The following SPATA13 variants were observed in gnomAD, a reference collection of about 807,000 sequenced individuals.
The protein encoded by SPATA13 is spermatogenesis associated 13.
SPATA13 carries 50 observed loss-of-function variants against 104.0 expected under a neutral mutation model. The observed-to-expected ratio is 0.48, with a 90% CI of 0.38 to 0.61. The LOEUF (loss-of-function observed/expected upper bound fraction) is 0.61, where lower values mean the gene tolerates loss of function less well. SPATA13 is among the 20% of genes least tolerant of loss of function. The pLI is 0.00. For missense variants in SPATA13, 1,524 were observed against 1,690.6 expected (o/e 0.90, Z 1.73); for synonymous variants, 606 against 667.5 (o/e 0.91, Z 1.42).
rs1465333292 is a variant in SPATA13, at chr13:24,222,877, C to CT, written c.-52dup. Reference sequence around the variant, plus strand: ...AGGTGTGAGTGCCAGGACGGCATTCCTGGAGATGAAGGCCTGGAGCTGCGG... The same window carrying CT: ...AGGTGTGAGTGCCAGGACGGCATTCCTTGGAGATGAAGGCCTGGAGCTGCGG... On this transcript the variant is annotated 5_prime_UTR_variant, in exon 2 of 13. Coordinates refer to ENST00000382108, the MANE Select transcript of SPATA13 (RefSeq NM_001166271.3). 1.6e-5 allele frequency: 24 copies of CT among 1,545,690 alleles called. No homozygotes were observed. Among genetic ancestry groups the CT allele is most frequent in the Admixed American group, 2.0e-5 (1 of 50,732 alleles).
In SPATA13 at chr13:24,190,287, A is replaced by G. The variant is rs1445754286; in HGVS notation, c.-112+29355A>G. ...TAATATATATTATTATATATAATAT[A>G]TAATATTATATATTATTATATATAA... On this transcript the variant is annotated intron_variant, in intron 1 of 12. Transcript: ENST00000382108. Among the ~76,000 whole-genome samples, 17 of 10,484 alleles carry G rather than the reference A, an allele frequency of 1.6e-3. 1 individual carries two copies. Among genetic ancestry groups the G allele is most frequent in the African/African-American group, 1.8e-3 (17 of 9,268 alleles). The allele number at this position is 10,484 out of a possible 152,430, so 6.9% of individuals were successfully genotyped here. A position where few individuals can be genotyped will look rare whatever the true frequency, so the allele number is the denominator to read the frequency against.
chr13:24,120,440 A>G (rs1179419461), intron 3 of SPATA13, among the ~76,000 whole-genome samples: 2 of 152,330 alleles, frequency 1.3e-5, no homozygotes, highest in East Asian at 3.9e-4. Context: ...GCGCAGCAGC[A>G]GTAGGAGTTA....
intron 3 of SPATA13, among the ~76,000 whole-genome samples, chr13:24,064,989 C>CAAGGAG (rs1878898920): frequency 2.8e-5 from 1 of 35,348 alleles, no homozygotes; most frequent in Non-Finnish European, 1.1e-4. Context: ...TGTCACAGGC[C>CAAGGAG]ACAGGAGCCA....
rs115333986 is a variant in SPATA13, at chr13:24,081,906, C to G, written c.-112+64205C>G. ...TGGAATAAGTTACCTGGGCCCTGTTCCCTGGTGCTGGTGCTCTCTGGGAGT... is the reference window on the plus strand; with the variant it reads ...TGGAATAAGTTACCTGGGCCCTGTTGCCTGGTGCTGGTGCTCTCTGGGAGT... On this transcript the variant is annotated intron_variant, in intron 3 of 14. Coordinates refer to the SPATA13 transcript ENST00000424834. 4.0e-3 allele frequency among the ~76,000 whole-genome samples: 607 copies of G among 152,292 alleles called. 2 individuals are homozygous for G. The highest frequency in any genetic ancestry group is 0.014 in the African/African-American group (578 of 41,562).
At position 24,278,570 on chromosome 13, in the gene SPATA13, G is replaced by A. The variant is rs187898236; in HGVS notation, c.2165-5565G>A. On this transcript the variant is annotated intron_variant, in intron 4 of 12. Coordinates refer to ENST00000382108, the MANE Select transcript of SPATA13 (RefSeq NM_001166271.3). ...TGGGATTACAAGCATGAGCTACCAC[G>A]CCCAGCCACATCTTGCAATTCTATA... is the stretch of plus-strand genomic sequence containing the variant. The A allele has an allele frequency of 5.4e-4, 708 of 1,318,656 alleles. 1 individual carries two copies. The African/African-American group carries it at 9.4e-3, about 17-fold the overall frequency. The allele number at this position is 1,318,656 out of a possible 1,614,324, so 81.7% of individuals were successfully genotyped here.
chr13:24,055,328 C>T (rs539982442), intron 3 of SPATA13, among the ~76,000 whole-genome samples: 1 of 152,280 alleles, frequency 6.6e-6, no homozygotes, highest in Admixed American at 6.5e-5. Flanking sequence ...CGTGTAAGAT[C>T]CCAGATGCAA....
At chr13:24,016,283 C>A (rs1358091124) in intron 2 of SPATA13, among the ~76,000 whole-genome samples, 1 of 152,160 alleles carries the variant, frequency 6.6e-6, no homozygotes, top group Non-Finnish European at 1.5e-5. Flanking sequence ...GGCCCTGGGC[C>A]CTCCAGGAAG....
chr13:24,100,678 A>C (rs570454795), intron 3 of SPATA13, among the ~76,000 whole-genome samples: 10 of 152,344 alleles, frequency 6.6e-5, no homozygotes, highest in Admixed American at 5.9e-4. Context: ...AGTTGGGGCT[A>C]GAATTTTGAT....
intron 3 of SPATA13, among the ~76,000 whole-genome samples, chr13:24,140,573 C>T (rs1377753425): frequency 6.6e-6 from 1 of 152,212 alleles, no homozygotes; most frequent in Non-Finnish European, 1.5e-5. Flanking sequence ...GTCAAACGTT[C>T]CTCTTCAAAG....
At chr13:24,044,966 T>C (rs1481831480) in intron 3 of SPATA13, among the ~76,000 whole-genome samples, 1 of 152,224 alleles carries the variant, frequency 6.6e-6, no homozygotes, top group Admixed American at 6.5e-5. Context: ...GAGAAATAAG[T>C]TGTGAGCCTT....
Position 24,258,404 on chromosome 13 carries a change from T to C in SPATA13, c.2164+6542T>C, listed in dbSNP as rs1055478317. 2.0e-5 allele frequency among the ~76,000 whole-genome samples: 3 copies of C among 147,294 alleles called. No individual in the cohort carries two copies. In the East Asian group the frequency reaches 5.9e-4, roughly 29 times the overall value. On this transcript the variant is annotated intron_variant, in intron 4 of 12. Coordinates refer to ENST00000382108, the MANE Select transcript of SPATA13 (RefSeq NM_001166271.3). Reference sequence around the variant, plus strand: ...AAAAAAGGCCAGGCACGGTGGCTCATGTCTGTAATCCCAGCACTTTGGGAG... The same window carrying C: ...AAAAAAGGCCAGGCACGGTGGCTCACGTCTGTAATCCCAGCACTTTGGGAG...
At chr13:24,106,268 A>G (rs1489344941) in intron 3 of SPATA13, among the ~76,000 whole-genome samples, 1 of 152,170 alleles carries the variant, frequency 6.6e-6, no homozygotes, top group Non-Finnish European at 1.5e-5. Context: ...TCCTGGCCTC[A>G]GTGATCTTTC....
intron 4 of SPATA13, among the ~76,000 whole-genome samples, chr13:24,275,233 G>T (rs753328293): frequency 2.6e-5 from 4 of 152,210 alleles, no homozygotes; most frequent in Non-Finnish European, 4.4e-5. Context: ...AAAGCAGAGA[G>T]GGGGAGGAAA....
chr13:24,060,464 C>A (rs888747326), intron 3 of SPATA13, among the ~76,000 whole-genome samples: 2 of 152,118 alleles, frequency 1.3e-5, no homozygotes, highest in African/African-American at 4.8e-5. Context: ...ATGTAAAACC[C>A]AAAGCTATCT....
At chr13:23,981,271 GA>G (rs3078774) in intron 1 of SPATA13, among the ~76,000 whole-genome samples, 23,557 of 149,128 alleles carry the variant, frequency 0.16, 2,435 homozygotes, top group East Asian at 0.32. Flanking sequence ...TATACCATAG[GA>G]AAAAAAAAAT....
intron 4 of SPATA13, among the ~76,000 whole-genome samples, chr13:24,257,501 C>T (rs1873848844): frequency 6.6e-6 from 1 of 152,112 alleles, no homozygotes; most frequent in South Asian, 2.1e-4. Context: ...GATATAAAAA[C>T]TAGAGAAAAT....
intron 4 of SPATA13, chr13:24,270,771 C>T: frequency 1.2e-6 from 2 of 1,604,776 alleles, no homozygotes; most frequent in Middle Eastern, 3.3e-4. Flanking sequence ...AGCTGCCAGC[C>T]TGTGCAGTCC....
At chr13:24,047,088 A>G (rs1378095692) in intron 3 of SPATA13, among the ~76,000 whole-genome samples, 1 of 152,142 alleles carries the variant, frequency 6.6e-6, no homozygotes, top group East Asian at 1.9e-4. Context: ...GGGTGTGGAA[A>G]ATGGTCCTGG....
chr13:24,155,946 T>A (rs984121257), upstream of SPATA13, among the ~76,000 whole-genome samples: 29 of 152,334 alleles, frequency 1.9e-4, no homozygotes, highest in African/African-American at 6.0e-4. Flanking sequence ...TCTGTCCTTT[T>A]GTGATGGGCT....
Sources: allele counts gnomAD v4.1 joint callset (sites outside exome capture counted in the v4.1 genomes callset), GRCh38; gene constraint gnomAD v4.1.1; transcripts MANE v1.5; gene names NCBI Gene and HGNC (gene_info 2026-07-23, HGNC 2026-07-21).